ADCY2: variants seen among roughly 807,000 people sequenced by gnomAD.
The protein encoded by ADCY2 is adenylate cyclase 2.
In ADCY2, 31 loss-of-function variants were observed where a neutral mutation model predicts 125.2. That is an observed-to-expected ratio of 0.25 (90% CI 0.19 to 0.33). The LOEUF is 0.33. Among genes scored for constraint, ADCY2 ranks in the 10% least tolerant of loss-of-function variants. The probability of loss-of-function intolerance (pLI) is 1.00; values close to 1 mark genes in which losing one functional copy is unlikely to be tolerated. For synonymous variants in ADCY2, 512 were observed against 548.4 expected (o/e 0.93, Z 0.93); for missense variants, 904 against 1,418.2 (o/e 0.64, Z 5.82).
intron 3 of ADCY2, among the ~76,000 whole-genome samples, chr5:7,603,815 G>GTTT (rs1277338369): frequency 8.2e-4 from 56 of 68,472 alleles, no homozygotes; most frequent in African/African-American, 2.9e-3. Context: ...TTTTTCTTTT[G>GTTT]TTTTTTTTTT....
At chr5:7,630,347 G>T (rs897055381) in intron 4 of ADCY2, among the ~76,000 whole-genome samples, 1 of 152,130 alleles carries the variant, frequency 6.6e-6, no homozygotes, top group Non-Finnish European at 1.5e-5. Context: ...TGGCTCATTT[G>T]TTTTGCAAGG....
At chr5:7,614,115 C>T (rs1410937485) in intron 3 of ADCY2, among the ~76,000 whole-genome samples, 1 of 152,212 alleles carries the variant, frequency 6.6e-6, no homozygotes, top group Non-Finnish European at 1.5e-5. Context: ...AAACCTAATT[C>T]TAAGTTGACA....
At chr5:7,414,891 T>G (rs1041687454) in intron 2 of ADCY2, 121 bp downstream of exon 2, 6 of 781,284 alleles carry the variant, frequency 7.7e-6, no homozygotes, top group Non-Finnish European at 1.2e-5. Context: ...CAGAGTCTAT[T>G]TTTTTCGATT....
intron 9 of ADCY2, chr5:7,708,101 C>G: frequency 3.0e-6 from 1 of 329,796 alleles, no homozygotes; most frequent in Non-Finnish European, 5.5e-6. Context: ...GTGTGTTAGT[C>G]GGTGTATTCC....
chr5:7,684,833 G>T (rs1017798301), intron 4 of ADCY2, among the ~76,000 whole-genome samples: 2 of 150,946 alleles, frequency 1.3e-5, no homozygotes, highest in Non-Finnish European at 2.9e-5. Flanking sequence ...TGTGACCAGG[G>T]TTTGTTAAGT....
At chr5:7,715,046 G>C (rs1741555128) in intron 11 of ADCY2, among the ~76,000 whole-genome samples, 1 of 152,232 alleles carries the variant, frequency 6.6e-6, no homozygotes, top group African/African-American at 2.4e-5. Context: ...AGAGATGCTG[G>C]AAGTCAGAGG....
At chr5:7,826,074 C>G (rs936252265) in intron 24 of ADCY2, among the ~76,000 whole-genome samples, 1 of 152,218 alleles carries the variant, frequency 6.6e-6, no homozygotes, top group Non-Finnish European at 1.5e-5. Context: ...ACCTTTGAGA[C>G]TTGACTGGGA....
chr5:7,717,142 C>A lies in ADCY2; in HGVS notation c.1623-15C>A. 6.4e-7 allele frequency: 1 copy of A among 1,560,662 alleles called. No homozygotes were observed. Among genetic ancestry groups the A allele is most frequent in the South Asian group, 1.2e-5 (1 of 86,810 alleles). ...TAATAATATCCTTACCCATAATATT[C>A]CATTTTTCATATAGAACCAAGTCAC... On this transcript the variant is annotated splice_polypyrimidine_tract_variant and intron_variant, in intron 11 of 24. Coordinates refer to ENST00000338316, the MANE Select transcript of ADCY2 (RefSeq NM_020546.3).
rs1183810579 is a variant in ADCY2 at position 7,475,796 on chromosome 5, C to T, written c.409-44942C>T. Among the ~76,000 whole-genome samples the T allele has an allele frequency of 2.6e-5, 4 of 152,224 alleles. No homozygotes were observed. In the East Asian group the frequency reaches 7.8e-4, roughly 30 times the overall value. On this transcript the variant is annotated intron_variant, in intron 2 of 24. Transcript: ENST00000338316. ...GAGGGCAGAAGCCTGCACTCCTTTCCGAAATGAGGAGACTGTGGCGGGACT... is the reference window on the plus strand; with the variant it reads ...GAGGGCAGAAGCCTGCACTCCTTTCTGAAATGAGGAGACTGTGGCGGGACT...
Position 7,753,619 on chromosome 5 carries a change from A to G in ADCY2, c.1957-3830A>G, listed in dbSNP as rs140218339. 3.0e-3 allele frequency among the ~76,000 whole-genome samples: 460 copies of G among 152,340 alleles called. 3 individuals are homozygous for G. The highest frequency in any genetic ancestry group is 0.011 in the African/African-American group (448 of 41,580). On this transcript the variant is annotated intron_variant, in intron 15 of 24. Coordinates refer to ENST00000338316, the MANE Select transcript of ADCY2 (RefSeq NM_020546.3). ...TCAAAAACAGGATAAACTGAAGCCA[A>G]TGATCATATCAAGAGCCAAGTTGTA... is the stretch of plus-strand genomic sequence containing the variant.
chr5:7,614,306 G>A (rs1180692788), intron 3 of ADCY2, among the ~76,000 whole-genome samples: 2 of 152,128 alleles, frequency 1.3e-5, no homozygotes, highest in Non-Finnish European at 2.9e-5. Flanking sequence ...TATCCCCTCT[G>A]AGTGGCCCAT....
At chr5:7,578,671 A>G (rs1230734397) in intron 3 of ADCY2, among the ~76,000 whole-genome samples, 1 of 152,200 alleles carries the variant, frequency 6.6e-6, no homozygotes, top group African/African-American at 2.4e-5. Context: ...ACTCCAAAGT[A>G]GGAACTGTCT....
At chr5:7,769,157 T>C (rs1743483125) in intron 17 of ADCY2, among the ~76,000 whole-genome samples, 1 of 152,218 alleles carries the variant, frequency 6.6e-6, no homozygotes, top group African/African-American at 2.4e-5. Flanking sequence ...ACACACTTTT[T>C]ACCCTGTAAC....
intron 2 of ADCY2, among the ~76,000 whole-genome samples, chr5:7,504,942 A>G (rs1743750053): frequency 6.6e-6 from 1 of 152,112 alleles, no homozygotes; most frequent in East Asian, 1.9e-4. Flanking sequence ...CAGTGGCACC[A>G]TCACAGCTTA....
chr5:7,522,378 T>G (rs1011400508), intron 3 of ADCY2: 1 of 151,758 alleles, frequency 6.6e-6, no homozygotes, highest in Non-Finnish European at 1.5e-5. Context: ...ACCCTTCTAC[T>G]CAAAAGAACA....
chr5:7,573,136 G>A (rs1736115963), intron 3 of ADCY2, among the ~76,000 whole-genome samples: 2 of 152,064 alleles, frequency 1.3e-5, no homozygotes, highest in Admixed American at 1.3e-4. Flanking sequence ...CCATGATTGT[G>A]GACTTCTAGC....
intron 2 of ADCY2, among the ~76,000 whole-genome samples, chr5:7,453,820 T>C (rs1741565380): frequency 6.6e-6 from 1 of 151,950 alleles, no homozygotes; most frequent in African/African-American, 2.4e-5. Context: ...TTTACCGGAG[T>C]TGTACTCATG....
At chr5:7,795,861 G>A (rs533667450) in intron 20 of ADCY2, 107 of 144,574 alleles carry the variant, frequency 7.4e-4, no homozygotes, top group African/African-American at 3.0e-3. Flanking sequence ...AGCATGATGT[G>A]TAAAAAAAAA....
intron 2 of ADCY2, among the ~76,000 whole-genome samples, chr5:7,459,772 ATTTTTTTTTTTTTTTTTTTTT>A (rs3033085): frequency 2.7e-5 from 2 of 72,818 alleles, no homozygotes; most frequent in East Asian, 4.7e-4. Flanking sequence ...TTAAGAGGTA[ATTTTTTTTTTTTTTTTTTTTT>A]TTTTTTTTTT....
Sources: gnomAD v4.1 joint callset for allele counts (sites outside exome capture counted in the v4.1 genomes callset) on GRCh38, gnomAD v4.1.1 for gene constraint, MANE v1.5 for transcripts, NCBI Gene and HGNC (gene_info 2026-07-23, HGNC 2026-07-21) for gene names.